The following DPYD variants were observed in gnomAD, a reference collection of about 807,000 sequenced individuals.
The protein encoded by DPYD is dihydropyrimidine dehydrogenase [NADP(+)].
A neutral mutation model predicts 116.2 loss-of-function variants in DPYD; 109 were observed. That is an observed-to-expected ratio of 0.94 (90% CI 0.80 to 1.10). The LOEUF is 1.10. Ranked by LOEUF, DPYD falls within the 50% of genes least tolerant of loss-of-function variation. The pLI is 0.00. For synonymous variants in DPYD, 440 were observed against 432.0 expected (o/e 1.02, Z -0.23); for missense variants, 1,302 against 1,254.5 (o/e 1.04, Z -0.57).
At chr1:97,783,749 T>C (rs1055323468) in intron 3 of DPYD, among the ~76,000 whole-genome samples, 15 of 152,168 alleles carry the variant, frequency 9.9e-5, no homozygotes, top group African/African-American at 3.1e-4. Context: ...GTCATGAAAC[T>C]GGAAAAGACA....
intron 8 of DPYD, among the ~76,000 whole-genome samples, chr1:97,617,215 C>T (rs1194808742): frequency 2.0e-5 from 3 of 152,202 alleles, no homozygotes; most frequent in Non-Finnish European, 4.4e-5. Context: ...CACACAAACA[C>T]ACAGTTCGTG....
intron 19 of DPYD, among the ~76,000 whole-genome samples, chr1:97,206,841 T>C (rs1033510635): frequency 6.6e-6 from 1 of 151,156 alleles, no homozygotes; most frequent in Non-Finnish European, 1.5e-5. Flanking sequence ...GTATGTATGA[T>C]ATACAATATA....
intron 20 of DPYD, among the ~76,000 whole-genome samples, chr1:97,099,017 C>G (rs1336206813): frequency 6.6e-6 from 1 of 151,912 alleles, no homozygotes; most frequent in Non-Finnish European, 1.5e-5. Context: ...GCTTTTTTCC[C>G]CTTCATCAGG....
At chr1:97,750,972 A>C (rs1185151550) in intron 3 of DPYD, among the ~76,000 whole-genome samples, 3 of 152,156 alleles carry the variant, frequency 2.0e-5, no homozygotes, top group Non-Finnish European at 4.4e-5. Flanking sequence ...GAGGTGGATG[A>C]AAAGAATACT....
chr1:97,461,086 T>C (rs1676995808), intron 13 of DPYD, among the ~76,000 whole-genome samples: 1 of 151,944 alleles, frequency 6.6e-6, no homozygotes, highest in Non-Finnish European at 1.5e-5. Flanking sequence ...TTTTCACCTA[T>C]TCTTAAGGCT....
intron 7 of DPYD, among the ~76,000 whole-genome samples, chr1:97,680,492 G>A (rs1323755305): frequency 6.6e-6 from 1 of 152,140 alleles, no homozygotes; most frequent in East Asian, 1.9e-4. Context: ...GCCACACATA[G>A]ACTGCATGTG....
chr1:97,363,255 C>A (rs1321308994), intron 16 of DPYD, among the ~76,000 whole-genome samples: 1 of 152,154 alleles, frequency 6.6e-6, no homozygotes, highest in Non-Finnish European at 1.5e-5. Context: ...CAATAACATA[C>A]CATCTCATGC....
intron 16 of DPYD, among the ~76,000 whole-genome samples, chr1:97,364,476 A>G (rs533689906): frequency 3.9e-5 from 6 of 152,348 alleles, no homozygotes; most frequent in Admixed American, 2.6e-4. Context: ...GATGTTTAAG[A>G]CATCTCAAAG....
rs571100993 is a variant in DPYD, at chr1:97,814,035, C to T, written c.233+14079G>A. Among the ~76,000 whole-genome samples the T allele has an allele frequency of 1.2e-3, 175 of 151,986 alleles. 1 individual carries two copies. Among genetic ancestry groups the T allele is most frequent in the Non-Finnish European group, 1.8e-3 (121 of 67,980 alleles). On this transcript the variant is annotated intron_variant, in intron 3 of 22. Coordinates refer to ENST00000370192, the MANE Select transcript of DPYD (RefSeq NM_000110.4). Reference sequence around the variant, plus strand: ...AAATTCTGGCTCCTTCAATTTTGTGCCATATGCCCAAATTACTTTACCTCT... The same window carrying T: ...AAATTCTGGCTCCTTCAATTTTGTGTCATATGCCCAAATTACTTTACCTCT...
At chr1:97,518,429 C>A (rs1648390119) in intron 12 of DPYD, among the ~76,000 whole-genome samples, 1 of 152,004 alleles carries the variant, frequency 6.6e-6, no homozygotes, top group Non-Finnish European at 1.5e-5. Context: ...CTAATGTACA[C>A]CTCCTTTTCT....
intron 19 of DPYD, among the ~76,000 whole-genome samples, chr1:97,194,559 C>T (rs1192929522): frequency 6.6e-6 from 1 of 151,984 alleles, no homozygotes; most frequent in Non-Finnish European, 1.5e-5. Flanking sequence ...GGCTGGAGTG[C>T]AGCAGCGCGA....
intron 14 of DPYD, among the ~76,000 whole-genome samples, chr1:97,399,301 T>A (rs1673210872): frequency 6.6e-6 from 1 of 152,172 alleles, no homozygotes. Flanking sequence ...GTTCCATTGG[T>A]CTATATCTCT....
At chr1:97,625,822 G>A (rs971638086) in intron 8 of DPYD, among the ~76,000 whole-genome samples, 3 of 151,860 alleles carry the variant, frequency 2.0e-5, no homozygotes, top group Admixed American at 1.3e-4. Context: ...GTGATACTTT[G>A]TTATGGCAGC....
At chr1:97,913,371 A>G (rs1467063079) in intron 1 of DPYD, among the ~76,000 whole-genome samples, 1 of 152,098 alleles carries the variant, frequency 6.6e-6, no homozygotes, top group East Asian at 1.9e-4. Flanking sequence ...CACATTTCCA[A>G]ACAATTTCAC....
intron 8 of DPYD, among the ~76,000 whole-genome samples, chr1:97,636,846 T>TCTCCCATGA (rs1657594218): frequency 6.6e-6 from 1 of 152,112 alleles, no homozygotes; most frequent in Non-Finnish European, 1.5e-5. Context: ...GGGCATTGTC[T>TCTCCCATGA]CTCCCATGAA....
chr1:97,166,734 A>G (rs1028932125), intron 20 of DPYD, among the ~76,000 whole-genome samples: 2 of 151,992 alleles, frequency 1.3e-5, no homozygotes, highest in Non-Finnish European at 2.9e-5. Flanking sequence ...TTCCTTCCAC[A>G]CTTCCCCTTC....
At chr1:97,637,905 G>A (rs998020920) in intron 8 of DPYD, among the ~76,000 whole-genome samples, 2 of 152,088 alleles carry the variant, frequency 1.3e-5, no homozygotes, top group African/African-American at 2.4e-5. Context: ...AAGACCTTTT[G>A]TTGACAAGGT....
At chr1:97,650,387 C>T (rs1213105083) in intron 8 of DPYD, among the ~76,000 whole-genome samples, 2 of 152,120 alleles carry the variant, frequency 1.3e-5, no homozygotes, top group Non-Finnish European at 2.9e-5. Flanking sequence ...TTCAACAAAA[C>T]ATTTAGTGAA....
chr1:97,400,288 A>T (rs545644321), intron 14 of DPYD, among the ~76,000 whole-genome samples: 2 of 152,302 alleles, frequency 1.3e-5, no homozygotes, highest in South Asian at 2.1e-4. Flanking sequence ...CTTGCATCCC[A>T]GGGATGAAGC....
Sources: gnomAD v4.1 joint callset for allele counts (sites outside exome capture counted in the v4.1 genomes callset) on GRCh38, gnomAD v4.1.1 for gene constraint, MANE v1.5 for transcripts, NCBI Gene and HGNC (gene_info 2026-07-23, HGNC 2026-07-21) for gene names.